The following E2F5 variants were observed in gnomAD, a reference collection of about 807,000 sequenced individuals.
E2F5 encodes transcription factor E2F5.
Under a neutral mutation model 39.1 loss-of-function variants are expected in E2F5, and 23 were observed. The ratio of observed to expected loss-of-function variants is 0.59; its 90% CI spans 0.42 to 0.83. The LOEUF (loss-of-function observed/expected upper bound fraction) is 0.83, where lower values mean the gene tolerates loss of function less well. E2F5 is among the 40% of genes least tolerant of loss of function. The pLI, the probability that E2F5 is intolerant of heterozygous loss-of-function variation, is 0.00. For missense variants in E2F5, 365 were observed against 406.7 expected, an observed-to-expected ratio of 0.90 and a Z score of 0.88; for synonymous variants, 145 against 157.8, an observed-to-expected ratio of 0.92 and a Z score of 0.61.
chr8:85,212,373 ATTTATT>A, intron 7 of E2F5, 169 bp downstream of exon 7: 1 of 554,358 alleles, frequency 1.8e-6, no homozygotes, highest in East Asian at 3.2e-5. Context: ...AACCTTCAGA[ATTTATT>A]TTTCTTTGCT....
chr8:85,184,924 A>G (rs1442844138), intron 1 of E2F5, among the ~76,000 whole-genome samples: 1 of 152,252 alleles, frequency 6.6e-6, no homozygotes, highest in East Asian at 1.9e-4. Context: ...TATCATGAAC[A>G]TGGCCATACT....
rs759312148 is a variant in E2F5, at chr8:85,177,518, C to T, written c.98C>T (p.Pro33Leu). Residue 33 changes from proline to leucine, a missense_variant, in exon 1 of 8, where the codon CCG (proline) becomes CTG (leucine). Coordinates refer to ENST00000416274, the MANE Select transcript of E2F5 (RefSeq NM_001951.4). ...PPPQPPQAQA[P>L]QPPPPPQLGG... ...CCGCAGCCTCCGCAGGCGCAAGCCC[C>T]GCAGCCGCCCCCGCCGCCGCAGCTC... The T allele has an allele frequency of 2.0e-5, 22 of 1,123,986 alleles. No homozygotes were observed. The highest frequency in any genetic ancestry group is 2.2e-5 in the Non-Finnish European group (20 of 920,206). 69.6% of individuals were successfully genotyped at this position (1,123,986 alleles called of 1,614,324 possible).
At chr8:85,201,219 C>T (rs1203408170) in intron 1 of E2F5, among the ~76,000 whole-genome samples, 3 of 152,084 alleles carry the variant, frequency 2.0e-5, no homozygotes, top group Admixed American at 6.5e-5. Context: ...AGCAATTATG[C>T]GAAGCTGGGA....
At chr8:85,204,013 T>G (rs1291749757) in intron 3 of E2F5, among the ~76,000 whole-genome samples, 3 of 151,944 alleles carry the variant, frequency 2.0e-5, no homozygotes, top group Non-Finnish European at 4.4e-5. Flanking sequence ...CCTCATGAAA[T>G]TTTGACTAAT....
At chr8:85,194,533 C>CTTTTTTTTTTTTTTTTTTTTTTTTTTTTT (rs753685580) in intron 1 of E2F5, among the ~76,000 whole-genome samples, 1 of 128,002 alleles carries the variant, frequency 7.8e-6, no homozygotes, top group African/African-American at 3.0e-5. Context: ...GTTTGTTTCT[C>CTTTTTTTTTTTTTTTTTTTTTTTTTTTTT]TTTTTTTTTT....
At chr8:85,197,621 T>C (rs1039161517) in intron 1 of E2F5, among the ~76,000 whole-genome samples, 1 of 152,234 alleles carries the variant, frequency 6.6e-6, no homozygotes, top group African/African-American at 2.4e-5. Context: ...TCTAATTCTT[T>C]CAGAGGAATA....
At chr8:85,177,678 G>T in intron 1 of E2F5, 24 bp downstream of exon 1, 1 of 1,263,818 alleles carries the variant, frequency 7.9e-7, no homozygotes, top group East Asian at 3.0e-5. Flanking sequence ...GCGGGGACGG[G>T]GGCGGACTTC....
intron 1 of E2F5, among the ~76,000 whole-genome samples, chr8:85,186,554 C>T (rs4150862): frequency 0.72 from 105,853 of 147,990 alleles, 38,490 homozygotes; most frequent in African/African-American, 0.81. Flanking sequence ...ATGGTATATA[C>T]ATAAGGTATA....
intron 1 of E2F5, among the ~76,000 whole-genome samples, chr8:85,188,510 G>T (rs1274539137): frequency 6.6e-6 from 1 of 152,128 alleles, no homozygotes; most frequent in African/African-American, 2.4e-5. Flanking sequence ...TGAGCACTGA[G>T]GCAGGCCAGA....
At chr8:85,184,556 G>A (rs1047193817) in intron 1 of E2F5, among the ~76,000 whole-genome samples, 1 of 152,146 alleles carries the variant, frequency 6.6e-6, no homozygotes, top group African/African-American at 2.4e-5. Context: ...CATTCAAACA[G>A]GAAAAGAGGA....
intron 1 of E2F5, among the ~76,000 whole-genome samples, chr8:85,194,086 G>C (rs1369085413): frequency 1.3e-5 from 2 of 151,720 alleles, no homozygotes; most frequent in African/African-American, 4.8e-5. Context: ...TTTATTTTGT[G>C]GTTTTATGTT....
At chr8:85,196,868 A>C (rs1812592570) in intron 1 of E2F5, among the ~76,000 whole-genome samples, 1 of 152,242 alleles carries the variant, frequency 6.6e-6, no homozygotes, top group South Asian at 2.1e-4. Context: ...CTAAAGATAT[A>C]AATTATCTTT....
chr8:85,185,505 T>C (rs1812311542), intron 1 of E2F5, among the ~76,000 whole-genome samples: 1 of 152,116 alleles, frequency 6.6e-6, no homozygotes, highest in African/African-American at 2.4e-5. Context: ...AAGTCAAAAT[T>C]GACCAATAGA....
chr8:85,206,329 G>C (rs1372071587), intron 4 of E2F5, 109 bp downstream of exon 4: 2 of 1,107,080 alleles, frequency 1.8e-6, no homozygotes, highest in African/African-American at 3.1e-5. Context: ...GAAGTTGTGG[G>C]CATTGTGTCT....
At chr8:85,209,033 T>C (rs556297506) in intron 5 of E2F5, 109 bp from the exon 6 acceptor site, 1 of 1,098,370 alleles carries the variant, frequency 9.1e-7, no homozygotes, top group East Asian at 2.4e-5. Flanking sequence ...TTTATTGTGT[T>C]ATGTGAATTT....
intron 6 of E2F5, 83 bp from the exon 7 acceptor site, chr8:85,212,074 C>A: frequency 9.4e-7 from 1 of 1,059,348 alleles, no homozygotes; most frequent in Non-Finnish European, 1.4e-6. Context: ...GTCAGTCAAG[C>A]TGCTGCTGTG....
At position 85,177,541 on chromosome 8, in the gene E2F5, C is replaced by G. The variant is rs3736040; in HGVS notation, c.121C>G (p.Leu41Val). 1.6e-6 allele frequency: 2 copies of G among 1,212,868 alleles called. No individual in the cohort carries two copies. The highest frequency in any genetic ancestry group is 3.9e-5 in the South Asian group (1 of 25,648). The allele number at this position is 1,212,868 out of a possible 1,614,324, so 75.1% of individuals were successfully genotyped here. The change falls in exon 1 of 8, where the codon CTC becomes GTC. Residue 41 changes from leucine (L) to valine (V), a missense_variant. Transcript: ENST00000416274. Reference protein sequence around the residue: ...QAPQPPPPPQLGGAGGGSSRH... With the variant: ...QAPQPPPPPQVGGAGGGSSRH... ...CCCGCAGCCGCCCCCGCCGCCGCAG[C>G]TCGGGGGCGCCGGGGGCGGCAGCAG...
At chr8:85,177,845 A>G (rs1392459894) in intron 1 of E2F5, 191 bp downstream of exon 1, 15 of 1,020,984 alleles carry the variant, frequency 1.5e-5, no homozygotes, top group Non-Finnish European at 1.8e-5. Flanking sequence ...ACGAGGGACC[A>G]GGATGGCACC....
At chr8:85,189,679 A>G (rs1812419026) in intron 1 of E2F5, among the ~76,000 whole-genome samples, 1 of 152,192 alleles carries the variant, frequency 6.6e-6, no homozygotes, top group Non-Finnish European at 1.5e-5. Context: ...TCTTTTTCCA[A>G]ATTGTAAACA....
Sources: gnomAD v4.1 joint callset for allele counts (sites outside exome capture counted in the v4.1 genomes callset) on GRCh38, gnomAD v4.1.1 for gene constraint, MANE v1.5 for transcripts, NCBI Gene and HGNC (gene_info 2026-07-23, HGNC 2026-07-21) for gene names.